RAD21: variants seen among roughly 807,000 people sequenced by gnomAD.
RAD21 encodes the protein RAD21 cohesin complex component.
RAD21 carries 18 observed loss-of-function variants against 71.5 expected under a neutral mutation model. That is an observed-to-expected ratio of 0.25 (90% confidence interval 0.17 to 0.37). The LOEUF (loss-of-function observed/expected upper bound fraction) is 0.37. RAD21 is among the 10% of genes least tolerant of loss of function. The pLI is 1.00. For missense variants in RAD21, 493 were observed against 769.1 expected (o/e 0.64, Z 4.25); for synonymous variants, 248 against 254.0 (o/e 0.98, Z 0.22).
chr8:116,862,177 C>A (rs1275641251), intron 3 of RAD21, among the ~76,000 whole-genome samples: 1 of 151,940 alleles, frequency 6.6e-6, no homozygotes, highest in African/African-American at 2.4e-5. Context: ...TTTAAACGGA[C>A]ATATCAACAA....
chr8:116,847,290 A>G lies in RAD21; in HGVS notation c.*210T>C, dbSNP rs765427224. 11 of 478,878 alleles carry G rather than the reference A, an allele frequency of 2.3e-5. No homozygotes were observed. Among genetic ancestry groups the G allele is most frequent in the Non-Finnish European group, 3.7e-5 (10 of 271,978 alleles). The allele number at this position is 478,878 out of a possible 1,614,324, so 29.7% of individuals were successfully genotyped here. A position where few individuals can be genotyped will look rare whatever the true frequency, so the allele number is the denominator to read the frequency against. On this transcript the variant is annotated 3_prime_UTR_variant, in exon 14 of 14. Coordinates refer to ENST00000297338, the MANE Select transcript of RAD21 (RefSeq NM_006265.3). ...GAGTCCTTGGGGTGCTGTTTTCTCCATCAGAACACAAACACAACCCATCTA... is the reference window on the plus strand; with the variant it reads ...GAGTCCTTGGGGTGCTGTTTTCTCCGTCAGAACACAAACACAACCCATCTA...
At chr8:116,854,599 G>T in intron 8 of RAD21, 131 bp from the exon 9 acceptor site, 3 of 715,060 alleles carry the variant, frequency 4.2e-6, no homozygotes, top group Admixed American at 2.7e-5. Context: ...TAAACTTCAT[G>T]AGGATAGAAC....
At chr8:116,850,925 ATC>A in intron 11 of RAD21, 158 bp from the exon 12 acceptor site, 2 of 442,460 alleles carry the variant, frequency 4.5e-6, no homozygotes, top group East Asian at 3.2e-5. Flanking sequence ...TACAGTATAT[ATC>A]TTTTTTGATT....
At chr8:116,868,928 ACG>A (rs1491248249) in intron 1 of RAD21, among the ~76,000 whole-genome samples, 9 of 151,764 alleles carry the variant, frequency 5.9e-5, no homozygotes, top group Admixed American at 2.6e-4. Context: ...GCACGCACGC[ACG>A]CACACACCCC....
At chr8:116,865,346 A>T (rs1026771457) in intron 2 of RAD21, among the ~76,000 whole-genome samples, 15 of 152,178 alleles carry the variant, frequency 9.9e-5, no homozygotes, top group Non-Finnish European at 2.2e-4. Flanking sequence ...ATATTTGCTT[A>T]CGGATGTTAA....
At chr8:116,863,717 C>A (rs192624492) in intron 2 of RAD21, among the ~76,000 whole-genome samples, 86 of 152,128 alleles carry the variant, frequency 5.7e-4, no homozygotes, top group African/African-American at 2.0e-3. Flanking sequence ...ATTTCCCCCC[C>A]AAAAGAACAA....
Position 116,847,371 on chromosome 8 carries a change from G to A in RAD21, c.*129C>T, listed in dbSNP as rs1812269249. On this transcript the variant is annotated 3_prime_UTR_variant, in exon 14 of 14. Coordinates refer to ENST00000297338, the MANE Select transcript of RAD21 (RefSeq NM_006265.3). ...ATTTAATGTACTGGAAAAAAATGAA[G>A]AAGGAAAAAGGCAAAGACTTTGTAC... 7.9e-6 allele frequency: 6 copies of A among 764,162 alleles called. No homozygotes were observed. The highest frequency in any genetic ancestry group is 1.2e-5 in the Non-Finnish European group (6 of 493,870). The allele number at this position is 764,162 out of a possible 1,614,324, so 47.3% of individuals were successfully genotyped here.
At chr8:116,857,237 T>C (rs780693006) in intron 6 of RAD21, 30 bp downstream of exon 6, 10 of 1,568,098 alleles carry the variant, frequency 6.4e-6, no homozygotes, top group Non-Finnish European at 7.9e-6. Flanking sequence ...AAATTCTGTT[T>C]ATGCTGGAAT....
At chr8:116,848,862 C>A in intron 13 of RAD21, 84 bp downstream of exon 13, 1 of 1,073,376 alleles carries the variant, frequency 9.3e-7, no homozygotes, top group Non-Finnish European at 1.3e-6. Context: ...CTTTCTGTTT[C>A]CAGCATCTAA....
intron 1 of RAD21, among the ~76,000 whole-genome samples, chr8:116,869,804 G>A (rs1164299015): frequency 6.6e-6 from 1 of 152,130 alleles, no homozygotes. Flanking sequence ...TTACACTGCA[G>A]GTGGGACTAA....
chr8:116,857,634 G>C (rs1812497539), intron 5 of RAD21, among the ~76,000 whole-genome samples, 161 bp from the exon 6 acceptor site: 1 of 152,148 alleles, frequency 6.6e-6, no homozygotes, highest in Non-Finnish European at 1.5e-5. Context: ...TTTAGCATCT[G>C]AATTTTTTAA....
In RAD21 at chr8:116,854,330, T is replaced by C. The variant is rs1161719467; in HGVS notation, c.1076A>G (p.Lys359Arg). ...TTLDLAPPTK[K>R]LMMWKETGGV... Reference sequence around the variant, plus strand: ...TCCTGTCTCTTTCCACATCATCAATTTCTTGGTGGGCGGTGCCAGATCCAA... The same window carrying C: ...TCCTGTCTCTTTCCACATCATCAATCTCTTGGTGGGCGGTGCCAGATCCAA... Residue 359 changes from lysine (K) to arginine (R), a missense_variant, in exon 9 of 14, where the codon AAA (lysine) becomes AGA (arginine). By Grantham distance (26) the Lys-to-Arg change is conservative. This residue lies in a region of RAD21 where 42 missense variants were observed against 117.2 expected (regional missense o/e 0.36). Transcript: ENST00000297338. The C allele has an allele frequency of 6.2e-7, 1 of 1,614,010 alleles. No individual in the cohort carries two copies. The highest frequency in any genetic ancestry group is 1.7e-5 in the Admixed American group (1 of 59,978).
At chr8:116,874,493 G>A (rs979203623) in intron 1 of RAD21, 118 bp downstream of exon 1, 8 of 225,868 alleles carry the variant, frequency 3.5e-5, no homozygotes, top group African/African-American at 1.7e-4. Context: ...GCGCGGCGAG[G>A]GCTGCCTTCT....
In RAD21 at chr8:116,866,631, G is replaced by A. The variant is rs1312570900; in HGVS notation, c.99C>T (p.Phe33=). 2 of 1,613,024 alleles carry A rather than the reference G, an allele frequency of 1.2e-6. No individual in the cohort carries two copies. The highest frequency in any genetic ancestry group is 1.7e-6 in the Non-Finnish European group (2 of 1,179,584). ...WDKKLTKAHV[F]ECNLESSVES... is the part of the protein sequence containing the mutation. ...CCACGCTGCTCTCTAAATTACACTC[G>A]AACACATGGGCTTTGGTTAGCTTCT... Residue 33 remains phenylalanine (F), a synonymous_variant, in exon 2 of 14, where the codon TTC becomes TTT. Coordinates refer to ENST00000297338, the MANE Select transcript of RAD21 (RefSeq NM_006265.3).
chr8:116,872,563 C>CAT (rs1491051852), intron 1 of RAD21, among the ~76,000 whole-genome samples: 2 of 148,808 alleles, frequency 1.3e-5, no homozygotes, highest in African/African-American at 5.1e-5. Context: ...CACACACACA[C>CAT]ACATATTTTA....
At chr8:116,857,978 C>T (rs1026828467) in intron 5 of RAD21, among the ~76,000 whole-genome samples, 1 of 152,142 alleles carries the variant, frequency 6.6e-6, no homozygotes, top group Non-Finnish European at 1.5e-5. Flanking sequence ...AGCAGAGACC[C>T]CGCCTCTTAA....
Position 116,852,109 on chromosome 8 carries a change from A to AT in RAD21, c.1322-14dup, listed in dbSNP as rs749918071. ...ATAATGGGCTCATCTGCAATTGGTC[A>AT]TATGAAGAGAAAACATAGGTCATAC... On this transcript the variant is annotated splice_polypyrimidine_tract_variant and intron_variant, in intron 10 of 13. Transcript: ENST00000297338. 2 of 1,590,818 alleles carry AT rather than the reference A, an allele frequency of 1.3e-6. No individual in the cohort carries two copies. Among genetic ancestry groups the AT allele is most frequent in the East Asian group, 4.5e-5 (2 of 44,342 alleles).
At position 116,848,998 on chromosome 8, in the gene RAD21, T is replaced by A; in HGVS notation, c.1652A>T (p.Gln551Leu). 1 of 1,602,038 alleles carries A rather than the reference T, an allele frequency of 6.2e-7. No homozygotes were observed. The highest frequency in any genetic ancestry group is 8.5e-7 in the Non-Finnish European group (1 of 1,174,080). Residue 551 changes from glutamine to leucine, a missense_variant, in exon 13 of 14, where the codon CAG (glutamine) becomes CTG (leucine). Around this residue, in one of 5 missense-constraint regions of RAD21, gnomAD observed 225 missense variants for 218.3 expected, o/e 1.03. Transcript: ENST00000297338. ...CCTTTTGTTCCATCTTCTTTCTTCC[T>A]GATCTTGATCGCCCCCTGATGCATC... ...DEDASGGDQD[Q>L]EERRWNKRTQ...
chr8:116,863,509 A>G (rs963611200), intron 2 of RAD21, among the ~76,000 whole-genome samples: 6 of 152,114 alleles, frequency 3.9e-5, no homozygotes, highest in African/African-American at 1.4e-4. Context: ...CACATTAAGG[A>G]GCACGTAACA....
Sources: allele counts gnomAD v4.1 joint callset (sites outside exome capture counted in the v4.1 genomes callset), GRCh38; gene constraint gnomAD v4.1.1; regional missense constraint gnomAD v4.1.1; transcripts MANE v1.5; gene names NCBI Gene and HGNC (gene_info 2026-07-23, HGNC 2026-07-21).